The following CD52 variants were observed in gnomAD, a reference collection of about 807,000 sequenced individuals.
CD52 encodes CD52 molecule.
In CD52, 2 loss-of-function variants were observed where a neutral mutation model predicts 2.5. The observed-to-expected ratio is 0.79, with a 90% CI of 0.32 to 2.48. CD52 has a LOEUF of 2.48. Ranked by LOEUF, CD52 falls within the 30% of genes most tolerant of loss-of-function variation. The pLI is 0.11. For synonymous variants in CD52, 24 were observed against 27.7 expected (o/e 0.87, Z 0.42); for missense variants, 62 against 75.8 (o/e 0.82, Z 0.68).
chr1:26,319,568 C>A (rs1462815873), intron 1 of CD52, among the ~76,000 whole-genome samples: 1 of 151,862 alleles, frequency 6.6e-6, no homozygotes, highest in Non-Finnish European at 1.5e-5. Flanking sequence ...CATGCCACTT[C>A]ACTCCAGCCT....
intron 1 of CD52, among the ~76,000 whole-genome samples, chr1:26,319,476 AAAT>A (rs1402394377): frequency 6.6e-6 from 1 of 150,502 alleles, no homozygotes; most frequent in Non-Finnish European, 1.5e-5. Flanking sequence ...AAAAAAAAAA[AAAT>A]TAGCTGGGCG....
chr1:26,320,363 G>A lies in CD52; in HGVS notation c.*61G>A, dbSNP rs1570156866. 5 of 1,551,282 alleles carry A rather than the reference G, an allele frequency of 3.2e-6. No individual in the cohort carries two copies. The highest frequency in any genetic ancestry group is 1.2e-5 in the South Asian group (1 of 83,344). ...AAACAGCTGCCACCATCACTCGCAA[G>A]AGAATCCCCTCCATCTTTGGGAGGG... On this transcript the variant is annotated 3_prime_UTR_variant, in exon 2 of 2. Transcript: ENST00000374213.
At chr1:26,320,064 G>A in intron 1 of CD52, 107 bp from the exon 2 acceptor site, 2 of 1,360,860 alleles carry the variant, frequency 1.5e-6, no homozygotes, top group Non-Finnish European at 2.0e-6. Context: ...AGGATGCAGT[G>A]AGCCGAGATC....
chr1:26,318,341 C>T (rs1318946537), intron 1 of CD52: 2 of 429,098 alleles, frequency 4.7e-6, no homozygotes, highest in Non-Finnish European at 8.5e-6. Context: ...CGTTGGGGCA[C>T]CCAAGGGGTG....
intron 1 of CD52, 32 bp from the exon 2 acceptor site, chr1:26,320,138 TC>T: frequency 1.3e-6 from 2 of 1,517,504 alleles, no homozygotes; most frequent in East Asian, 2.4e-5. Flanking sequence ...AAAAAAAAAG[TC>T]CCCTGATCTT....
chr1:26,318,324 C>T, intron 1 of CD52: 1 of 478,298 alleles, frequency 2.1e-6, no homozygotes, highest in Non-Finnish European at 3.8e-6. Flanking sequence ...TTACAGGGTG[C>T]TAGGCGCGTT....
chr1:26,320,263 C>T lies in CD52; in HGVS notation c.147C>T (p.Phe49=), dbSNP rs41285349. Residue 49 remains phenylalanine (F), a synonymous_variant, in exon 2 of 2, where the codon TTC becomes TTT. Coordinates refer to ENST00000374213, the MANE Select transcript of CD52 (RefSeq NM_001803.3). ...SNISGGIFLF[F]VANAIIHLFC... The stretch of plus-strand genomic sequence containing the variant: ...TAAGCGGAGGCATTTTCCTTTTCTT[C>T]GTGGCCAATGCCATAATCCACCTCT... 12 of 1,613,842 alleles carry T rather than the reference C, an allele frequency of 7.4e-6. No individual in the cohort carries two copies. The highest frequency in any genetic ancestry group is 7.6e-6 in the Non-Finnish European group (9 of 1,179,938).
intron 1 of CD52, 103 bp from the exon 2 acceptor site, chr1:26,320,068 C>G: frequency 7.2e-7 from 1 of 1,391,714 alleles, no homozygotes; most frequent in Non-Finnish European, 9.7e-7. Context: ...TGCAGTGAGC[C>G]GAGATCGCAT....
At chr1:26,319,819 G>A (rs138398688) in intron 1 of CD52, among the ~76,000 whole-genome samples, 4 of 151,880 alleles carry the variant, frequency 2.6e-5, no homozygotes, top group Non-Finnish European at 5.9e-5. Context: ...TAACAAACAC[G>A]CTATTCAAAA....
At chr1:26,319,638 CA>C (rs1184991275) in intron 1 of CD52, among the ~76,000 whole-genome samples, 1 of 151,758 alleles carries the variant, frequency 6.6e-6, no homozygotes, top group African/African-American at 2.4e-5. Context: ...AGGGGGTGGA[CA>C]GGGGCAGTGA....
chr1:26,319,831 T>A (rs1015730632), intron 1 of CD52, among the ~76,000 whole-genome samples: 2 of 151,654 alleles, frequency 1.3e-5, no homozygotes, highest in African/African-American at 4.8e-5. Flanking sequence ...TATTCAAAAG[T>A]CCCCTGAGGG....
Position 26,320,460 on chromosome 1 carries a change from G to C in CD52, c.*158G>C. The C allele has an allele frequency of 1.1e-6, 1 of 915,358 alleles. No homozygotes were observed. The highest frequency in any genetic ancestry group is 2.7e-5 in the Admixed American group (1 of 36,590). The allele number at this position is 915,358 out of a possible 1,614,324, so 56.7% of individuals were successfully genotyped here. ...ATGGGGGCAACAGCCAAAATAGGGG[G>C]GTAATGATGTAGGGGCCAAGCAGTG... On this transcript the variant is annotated 3_prime_UTR_variant, in exon 2 of 2. Coordinates refer to ENST00000374213, the MANE Select transcript of CD52 (RefSeq NM_001803.3).
chr1:26,318,696 A>G (rs963821545), intron 1 of CD52: 2 of 152,476 alleles, frequency 1.3e-5, no homozygotes, highest in African/African-American at 4.8e-5. Flanking sequence ...TTGATCAAGA[A>G]CAGCTTGATC....
rs377097614 is a variant in CD52 at position 26,320,264 on chromosome 1, G to A, written c.148G>A (p.Val50Met). 65 of 1,613,602 alleles carry A rather than the reference G, an allele frequency of 4.0e-5. No homozygotes were observed. The Admixed American group carries it at 5.5e-4, about 14-fold the overall frequency. Reference protein sequence around the residue: ...NISGGIFLFFVANAIIHLFCF... With the variant: ...NISGGIFLFFMANAIIHLFCF... ...AAGCGGAGGCATTTTCCTTTTCTTC[G>A]TGGCCAATGCCATAATCCACCTCTT... Residue 50 changes from valine (V) to methionine (M), a missense_variant, in exon 2 of 2, where the codon GTG becomes ATG. By Grantham distance (21) the Val-to-Met change is conservative (BLOSUM62 1). Transcript: ENST00000374213.
chr1:26,318,083 G>T lies in CD52; in HGVS notation c.54+12G>T. ...TGGTTATGGTACAGGTAAGAGCAAC[G>T]CCTGGCACCACTGCCAGGACTCCCC... On this transcript the variant is annotated intron_variant, in intron 1 of 1. Coordinates refer to ENST00000374213, the MANE Select transcript of CD52 (RefSeq NM_001803.3). 1 of 1,613,122 alleles carries T rather than the reference G, an allele frequency of 6.2e-7. No individual in the cohort carries two copies. Among genetic ancestry groups the T allele is most frequent in the Non-Finnish European group, 8.5e-7 (1 of 1,179,118 alleles).
chr1:26,318,965 C>G lies in CD52; in HGVS notation c.54+894C>G, dbSNP rs1018436168. 2.6e-5 allele frequency: 4 copies of G among 152,434 alleles called. No individual in the cohort carries two copies. The East Asian group carries it at 7.7e-4, about 29-fold the overall frequency. The allele number at this position is 152,434 out of a possible 1,614,324, so 9.4% of individuals were successfully genotyped here. On this transcript the variant is annotated intron_variant, in intron 1 of 1. Transcript: ENST00000374213. ...CTAGGAAGGTCAAGGGCCAGGGCTC[C>G]CCTGTCTCCCTCTATGCCAGAAGGG...
In CD52 at chr1:26,320,380, T is replaced by C; in HGVS notation, c.*78T>C. ...ACTCGCAAGAGAATCCCCTCCATCT[T>C]TGGGAGGGGTTGATGCCAGACATCA... On this transcript the variant is annotated 3_prime_UTR_variant, in exon 2 of 2. Transcript: ENST00000374213. 1 of 1,507,988 alleles carries C rather than the reference T, an allele frequency of 6.6e-7. No homozygotes were observed. Among genetic ancestry groups the C allele is most frequent in the Non-Finnish European group, 8.9e-7 (1 of 1,124,540 alleles). The allele number at this position is 1,507,988 out of a possible 1,614,324, so 93.4% of individuals were successfully genotyped here.
rs1256347714 is a variant in CD52, at chr1:26,320,241, G to A, written c.125G>A (p.Ser42Asn). The change falls in exon 2 of 2, where the codon AGC (serine) becomes AAC (asparagine). Residue 42 changes from serine to asparagine, a missense_variant. Physicochemically the swap from Ser to Asn is conservative, Grantham distance 46. Coordinates refer to ENST00000374213, the MANE Select transcript of CD52 (RefSeq NM_001803.3). ...AGCCCCTCAGCATCCAGCAACATAAGCGGAGGCATTTTCCTTTTCTTCGTG... is the reference window on the plus strand; with the variant it reads ...AGCCCCTCAGCATCCAGCAACATAAACGGAGGCATTTTCCTTTTCTTCGTG... ...TSSPSASSNI[S>N]GGIFLFFVAN... 1.9e-6 allele frequency: 3 copies of A among 1,613,586 alleles called. No individual in the cohort carries two copies. The highest frequency in any genetic ancestry group is 1.1e-5 in the South Asian group (1 of 91,022).
intron 1 of CD52, among the ~76,000 whole-genome samples, chr1:26,319,453 ACT>A (rs1373054965): frequency 8.3e-6 from 1 of 120,990 alleles, no homozygotes; most frequent in Non-Finnish European, 1.8e-5. Flanking sequence ...ACAGAGCAAG[ACT>A]CTGTCTCGGA....
Sources: gnomAD v4.1 joint callset for allele counts (sites outside exome capture counted in the v4.1 genomes callset) on GRCh38, gnomAD v4.1.1 for gene constraint, MANE v1.5 for transcripts, NCBI Gene and HGNC (gene_info 2026-07-23, HGNC 2026-07-21) for gene names.